Variants in PRKCA observed in about 807,000 individuals in gnomAD.
PRKCA encodes the protein protein kinase C alpha, also known as protein kinase C alpha type.
PRKCA carries 27 observed loss-of-function variants against 87.0 expected under a neutral mutation model. The observed-to-expected ratio is 0.31, with a 90% CI of 0.23 to 0.43. The LOEUF (loss-of-function observed/expected upper bound fraction) is 0.43, where lower values mean the gene tolerates loss of function less well. Among genes scored for constraint, PRKCA ranks in the 20% least tolerant of loss-of-function variants. PRKCA has a pLI of 1.00. For missense variants in PRKCA, 518 were observed against 852.3 expected (o/e 0.61, Z 4.88); for synonymous variants, 329 against 311.1 (o/e 1.06, Z -0.61).
At chr17:66,748,889 C>T (rs1974362650) in intron 13 of PRKCA, among the ~76,000 whole-genome samples, 1 of 152,004 alleles carries the variant, frequency 6.6e-6, no homozygotes, top group Non-Finnish European at 1.5e-5. Context: ...GTAAGGATGC[C>T]CTTCCCTCTC....
At chr17:66,698,674 T>C (rs1972987469) in intron 8 of PRKCA, among the ~76,000 whole-genome samples, 1 of 151,950 alleles carries the variant, frequency 6.6e-6, no homozygotes, top group South Asian at 2.1e-4. Context: ...GAAGAAAGCT[T>C]ATATAAAGAA....
intron 2 of PRKCA, among the ~76,000 whole-genome samples, chr17:66,318,901 G>A (rs1905479932): frequency 6.6e-6 from 1 of 151,576 alleles, no homozygotes; most frequent in African/African-American, 2.4e-5. Flanking sequence ...TAGGCAGATT[G>A]CTTGAATTCA....
chr17:66,573,288 G>C (rs574538009), intron 3 of PRKCA, among the ~76,000 whole-genome samples: 1 of 152,148 alleles, frequency 6.6e-6, no homozygotes, highest in Non-Finnish European at 1.5e-5. Context: ...GAGTGAAAAC[G>C]AGAGATAAAG....
chr17:66,515,774 G>A (rs1004765211), intron 3 of PRKCA, among the ~76,000 whole-genome samples: 8 of 152,094 alleles, frequency 5.3e-5, no homozygotes, highest in African/African-American at 1.4e-4. Context: ...TGAACTCCTG[G>A]GCTGAAGCAA....
At chr17:66,384,795 A>AT (rs895020310) in intron 2 of PRKCA, among the ~76,000 whole-genome samples, 1 of 151,792 alleles carries the variant, frequency 6.6e-6, no homozygotes, top group Non-Finnish European at 1.5e-5. Context: ...CACCTGGCTA[A>AT]TTTTTTTTAT....
At chr17:66,496,393 C>A in intron 3 of PRKCA, 110 bp downstream of exon 3, 1 of 871,786 alleles carries the variant, frequency 1.1e-6, no homozygotes, top group South Asian at 1.5e-5. Context: ...TGGGAAGACT[C>A]AATTCTCATA....
intron 8 of PRKCA, among the ~76,000 whole-genome samples, chr17:66,716,397 G>A (rs758488281): frequency 5.3e-5 from 8 of 152,116 alleles, no homozygotes; most frequent in Non-Finnish European, 7.4e-5. Context: ...GTTGCAGTGC[G>A]CACTGGGCCT....
At chr17:66,607,940 T>G (rs1203945408) in intron 3 of PRKCA, among the ~76,000 whole-genome samples, 1 of 152,192 alleles carries the variant, frequency 6.6e-6, no homozygotes, top group Non-Finnish European at 1.5e-5. Context: ...GTCTCTGAAG[T>G]CTCTTCCATT....
In PRKCA at chr17:66,451,982, C is replaced by T. The variant is rs538899298; in HGVS notation, c.206-44219C>T. ...AATTGGATTGAAAGCAGGACACCGC[C>T]GGGAGGTAAATCAGATTAGGGCTTC... On this transcript the variant is annotated intron_variant, in intron 2 of 16. Coordinates refer to ENST00000413366, the MANE Select transcript of PRKCA (RefSeq NM_002737.3). Among the ~76,000 whole-genome samples, 58 of 152,300 alleles carry T rather than the reference C, an allele frequency of 3.8e-4. 1 individual carries two copies. The South Asian group carries it at 7.1e-3, about 19-fold the overall frequency.
Position 66,786,937 on chromosome 17 carries a change from A to G in PRKCA, c.1676A>G (p.Lys559Arg). 6.2e-7 allele frequency: 1 copy of G among 1,614,054 alleles called. No individual in the cohort carries two copies. Residue 559 changes from lysine to arginine, a missense_variant, in exon 15 of 17, where the codon AAA (lysine) becomes AGA (arginine). Transcript: ENST00000413366. ...ATGGAGCACAACGTTTCCTATCCAA[A>G]ATCCTTGTCCAAGGAGGCTGTTTCT... ...SIMEHNVSYP[K>R]SLSKEAVSVC...
chr17:66,650,924 A>G (rs914586358), intron 5 of PRKCA, among the ~76,000 whole-genome samples: 2 of 152,134 alleles, frequency 1.3e-5, no homozygotes, highest in Non-Finnish European at 1.5e-5. Flanking sequence ...TCTTCCTGGC[A>G]CCAGGGATGC....
At chr17:66,607,876 G>C (rs1280660182) in intron 3 of PRKCA, among the ~76,000 whole-genome samples, 3 of 152,210 alleles carry the variant, frequency 2.0e-5, no homozygotes, top group Non-Finnish European at 4.4e-5. Flanking sequence ...AGTAAAAAGA[G>C]GTTAAAAGTA....
chr17:66,565,179 G>A (rs8071872), intron 3 of PRKCA, among the ~76,000 whole-genome samples: 17,389 of 152,182 alleles, frequency 0.11, 1,082 homozygotes, highest in East Asian at 0.16. Context: ...CTCTCATAGA[G>A]TGCTGCTTGT....
At chr17:66,399,981 GAGC>G (rs1233691690) in intron 2 of PRKCA, among the ~76,000 whole-genome samples, 1 of 152,102 alleles carries the variant, frequency 6.6e-6, no homozygotes, top group African/African-American at 2.4e-5. Context: ...GCATTTCCTT[GAGC>G]ATCATGTTGG....
chr17:66,784,383 C>T (rs1441849636), intron 14 of PRKCA, among the ~76,000 whole-genome samples: 1 of 152,168 alleles, frequency 6.6e-6, no homozygotes, highest in African/African-American at 2.4e-5. Flanking sequence ...GGAGCTGGGA[C>T]TACAGGCGTG....
chr17:66,805,036 G>T lies in PRKCA; in HGVS notation c.*999G>T, dbSNP rs1435865588. ...GCTGCAGTGTCGCTTATGAAAGTAC[G>T]ATGTACAGTAACTTAATGGAAGTGC... On this transcript the variant is annotated 3_prime_UTR_variant, in exon 17 of 17. Transcript: ENST00000413366. 3.0e-6 allele frequency: 3 copies of T among 983,690 alleles called. No homozygotes were observed. Among genetic ancestry groups the T allele is most frequent in the Non-Finnish European group, 3.6e-6 (3 of 828,402 alleles). The allele number at this position is 983,690 out of a possible 1,614,324, so 60.9% of individuals were successfully genotyped here. A position where few individuals can be genotyped will look rare whatever the true frequency, so the allele number is the denominator to read the frequency against.
chr17:66,674,161 G>T (rs950398973), intron 5 of PRKCA, among the ~76,000 whole-genome samples: 2 of 152,218 alleles, frequency 1.3e-5, no homozygotes, highest in Admixed American at 6.5e-5. Flanking sequence ...ATGCGAGGGG[G>T]TGTGGCCCTT....
chr17:66,701,397 G>GT, intron 8 of PRKCA, among the ~76,000 whole-genome samples: 1 of 152,032 alleles, frequency 6.6e-6, no homozygotes, highest in East Asian at 1.9e-4. Flanking sequence ...CTTGACAATG[G>GT]TTTTTTGGAT....
At chr17:66,447,769 C>T (rs1018418965) in intron 2 of PRKCA, among the ~76,000 whole-genome samples, 1 of 152,214 alleles carries the variant, frequency 6.6e-6, no homozygotes, top group Non-Finnish European at 1.5e-5. Flanking sequence ...TCCGCTCATT[C>T]CAGTTTCACC....
Sources: gnomAD v4.1 joint callset for allele counts (sites outside exome capture counted in the v4.1 genomes callset) on GRCh38, gnomAD v4.1.1 for gene constraint, MANE v1.5 for transcripts, NCBI Gene and HGNC (gene_info 2026-07-23, HGNC 2026-07-21) for gene names.